The following RANBP2 variants were observed in gnomAD, a reference collection of about 807,000 sequenced individuals.
RANBP2 encodes the protein E3 SUMO-protein ligase RanBP2.
In RANBP2, 57 loss-of-function variants were observed where a neutral mutation model predicts 303.6. The ratio of observed to expected loss-of-function variants is 0.19; its 90% CI spans 0.15 to 0.23. The LOEUF (loss-of-function observed/expected upper bound fraction) is 0.23. Among genes scored for constraint, RANBP2 ranks in the 10% least tolerant of loss-of-function variants. The pLI, the probability that RANBP2 is intolerant of heterozygous loss-of-function variation, is 1.00. For synonymous variants in RANBP2, 1,167 were observed against 1,301.5 expected (o/e 0.90, Z 2.23); for missense variants, 3,138 against 3,780.8 (o/e 0.83, Z 4.46).
chr2:109,357,414 C>A, the RANBP2 span, among the ~76,000 whole-genome samples: 1 of 152,186 alleles, frequency 6.6e-6, no homozygotes, highest in Non-Finnish European at 1.5e-5. Flanking sequence ...ATCTCCTGAC[C>A]TCGTGATCCA....
chr2:109,269,506 C>T, the RANBP2 span, among the ~76,000 whole-genome samples: 6 of 152,288 alleles, frequency 3.9e-5, no homozygotes, highest in South Asian at 6.2e-4. Context: ...CCAAGCCAGG[C>T]GTGGTGGCTC....
At chr2:109,218,242 A>T in the RANBP2 span, among the ~76,000 whole-genome samples, 1 of 152,022 alleles carries the variant, frequency 6.6e-6, no homozygotes, top group African/African-American at 2.4e-5. Context: ...GTGGCATGGC[A>T]CAAAAAAAGA....
At chr2:109,501,900 C>A in the RANBP2 span, 1 of 505,786 alleles carries the variant, frequency 2.0e-6, no homozygotes, top group Non-Finnish European at 3.5e-6. Flanking sequence ...AATGCCCACC[C>A]CCTCTGTGGA....
chr2:109,439,348 T>C, the RANBP2 span, among the ~76,000 whole-genome samples: 1 of 152,168 alleles, frequency 6.6e-6, no homozygotes, highest in African/African-American at 2.4e-5. Context: ...GGTTAAAGAA[T>C]GACTCCTACT....
chr2:109,343,023 G>A, the RANBP2 span, among the ~76,000 whole-genome samples: 1 of 152,122 alleles, frequency 6.6e-6, no homozygotes, highest in East Asian at 1.9e-4. Context: ...CCTCTGAAGG[G>A]GAGCACGCCG....
At chr2:109,017,736 C>T in the RANBP2 span, among the ~76,000 whole-genome samples, 1 of 152,028 alleles carries the variant, frequency 6.6e-6, no homozygotes, top group Non-Finnish European at 1.5e-5. Flanking sequence ...GATATGAGAC[C>T]CTTGGAATCT....
chr2:109,249,773 C>T, the RANBP2 span, among the ~76,000 whole-genome samples: 1 of 151,880 alleles, frequency 6.6e-6, no homozygotes, highest in East Asian at 1.9e-4. Flanking sequence ...TCTCCTGCCT[C>T]AGCCTCCTGA....
chr2:109,269,157 C>G, the RANBP2 span, among the ~76,000 whole-genome samples: 1 of 152,198 alleles, frequency 6.6e-6, no homozygotes, highest in Non-Finnish European at 1.5e-5. Flanking sequence ...TAGGCAGTTT[C>G]CCTGGGGGAG....
the RANBP2 span, among the ~76,000 whole-genome samples, chr2:109,292,098 C>T: frequency 4.9e-3 from 743 of 152,288 alleles, 4 homozygotes; most frequent in African/African-American, 0.017. Flanking sequence ...CTCCTGACCT[C>T]GTGATCTGCC....
At chr2:109,014,806 T>C in the RANBP2 span, among the ~76,000 whole-genome samples, 2 of 152,170 alleles carry the variant, frequency 1.3e-5, no homozygotes, top group African/African-American at 4.8e-5. Context: ...TCTTTCCTCC[T>C]CATTCTCCTC....
At chr2:108,796,973 T>C in the RANBP2 span, among the ~76,000 whole-genome samples, 1 of 152,244 alleles carries the variant, frequency 6.6e-6, no homozygotes, top group Non-Finnish European at 1.5e-5. Context: ...AGAATTGTAA[T>C]GTTCTCAACA....
chr2:109,535,765 G>A, the RANBP2 span, among the ~76,000 whole-genome samples: 10 of 152,324 alleles, frequency 6.6e-5, no homozygotes, highest in East Asian at 3.9e-4. Context: ...GCATAGGTAT[G>A]TGGCAGCAGG....
the RANBP2 span, among the ~76,000 whole-genome samples, chr2:109,522,891 G>C: frequency 6.6e-6 from 1 of 152,240 alleles, no homozygotes; most frequent in Non-Finnish European, 1.5e-5. Context: ...AGAGAGAAGA[G>C]TGCTTCAAAA....
the RANBP2 span, among the ~76,000 whole-genome samples, chr2:108,897,904 A>T: frequency 6.6e-6 from 1 of 152,198 alleles, no homozygotes; most frequent in Admixed American, 6.5e-5. Context: ...AAGAAGACAG[A>T]CCAACTAGGG....
chr2:108,777,186 G>A lies in RANBP2; in HGVS notation c.8554G>A (p.Asp2852Asn), dbSNP rs1424145000. ...AAGTAGCACAGGGCTCTCATTTGCAGACTTGGCTTCCAGTAATTCTGGAGA... is the reference window on the plus strand; with the variant it reads ...AAGTAGCACAGGGCTCTCATTTGCAAACTTGGCTTCCAGTAATTCTGGAGA... ...FGSSTGLSFA[D>N]LASSNSGDFA... Residue 2852 changes from aspartate (D) to asparagine (N), a missense_variant, in exon 25 of 29, where the codon GAC becomes AAC. By Grantham distance (23) the Asp-to-Asn change is conservative. Coordinates refer to ENST00000283195, the MANE Select transcript of RANBP2 (RefSeq NM_006267.5). 3 of 1,613,566 alleles carry A rather than the reference G, an allele frequency of 1.9e-6. No individual in the cohort carries two copies. The highest frequency in any genetic ancestry group is 2.5e-6 in the Non-Finnish European group (3 of 1,179,616).
the RANBP2 span, among the ~76,000 whole-genome samples, chr2:108,840,991 TTG>T: frequency 2.6e-5 from 4 of 151,890 alleles, no homozygotes; most frequent in Admixed American, 2.6e-4. Context: ...TTTGTGTTTT[TTG>T]TGTGTGTGTT....
At chr2:109,464,158 T>A in the RANBP2 span, among the ~76,000 whole-genome samples, 1 of 152,156 alleles carries the variant, frequency 6.6e-6, no homozygotes, top group African/African-American at 2.4e-5. Flanking sequence ...GGACAAGAGC[T>A]CACCACTTAA....
the RANBP2 span, among the ~76,000 whole-genome samples, chr2:109,198,906 G>A: frequency 5.3e-5 from 8 of 152,294 alleles, no homozygotes; most frequent in East Asian, 1.9e-4. Flanking sequence ...AAATGTTTGC[G>A]TAGCTAAATG....
At chr2:109,356,039 A>G in the RANBP2 span, among the ~76,000 whole-genome samples, 28 of 152,310 alleles carry the variant, frequency 1.8e-4, no homozygotes, top group African/African-American at 6.7e-4. Context: ...CTAACATGCT[A>G]CAGTGAATGT....
Sources: allele counts gnomAD v4.1 joint callset (sites outside exome capture counted in the v4.1 genomes callset), GRCh38; gene constraint gnomAD v4.1.1; transcripts MANE v1.5; gene names NCBI Gene and HGNC (gene_info 2026-07-23, HGNC 2026-07-21).